CGNL1: variants seen among roughly 807,000 people sequenced by gnomAD.
CGNL1 encodes the protein cingulin-like protein 1.
Under a neutral mutation model 141.2 loss-of-function variants are expected in CGNL1, and 132 were observed. That is an observed-to-expected ratio of 0.93 (90% confidence interval 0.81 to 1.08). The LOEUF is 1.08. Ranked by LOEUF, CGNL1 falls within the 50% of genes least tolerant of loss-of-function variation. CGNL1 has a pLI of 0.00. For synonymous variants in CGNL1, 690 were observed against 622.1 expected (o/e 1.11, Z -1.63); for missense variants, 1,870 against 1,588.6 (o/e 1.18, Z -3.01).
intron 1 of CGNL1, among the ~76,000 whole-genome samples, chr15:57,413,387 C>T (rs535237149): frequency 7.8e-4 from 118 of 152,224 alleles, no homozygotes; most frequent in African/African-American, 2.8e-3. Context: ...AGCCATCCTC[C>T]GAGCTCAGCC....
chr15:57,382,871 A>G lies in CGNL1; in HGVS notation c.-16+6304A>G, dbSNP rs181713593. Reference sequence around the variant, plus strand: ...TCCAACTAGGACTGTTAAACTTTCAACAATGGGGCTCTTTTGACTTGATTA... The same window carrying G: ...TCCAACTAGGACTGTTAAACTTTCAGCAATGGGGCTCTTTTGACTTGATTA... On this transcript the variant is annotated intron_variant, in intron 1 of 18. Coordinates refer to ENST00000281282, the MANE Select transcript of CGNL1 (RefSeq NM_032866.5). Among the ~76,000 whole-genome samples the G allele has an allele frequency of 3.0e-3, 458 of 152,306 alleles. 3 individuals are homozygous for G. The highest frequency in any genetic ancestry group is 3.5e-3 in the Non-Finnish European group (240 of 68,036).
At chr15:57,408,531 A>G (rs1467811107) in intron 1 of CGNL1, among the ~76,000 whole-genome samples, 1 of 152,046 alleles carries the variant, frequency 6.6e-6, no homozygotes, top group Non-Finnish European at 1.5e-5. Flanking sequence ...GGGATAATAT[A>G]ATTTAATTTT....
Position 57,516,178 on chromosome 15 carries a change from A to G in CGNL1, c.2404-602A>G, listed in dbSNP as rs867690166. 7.2e-3 allele frequency among the ~76,000 whole-genome samples: 1,073 copies of G among 148,546 alleles called. 10 individuals are homozygous for G. Among genetic ancestry groups the G allele is most frequent in the African/African-American group, 0.021 (847 of 40,256 alleles). On this transcript the variant is annotated intron_variant, in intron 8 of 18. Coordinates refer to ENST00000281282, the MANE Select transcript of CGNL1 (RefSeq NM_032866.5). ...TGTCTCAAAAAAAAAAAAAAAAAAA[A>G]AAAGAAAGAAAAAGAGACCCTGCCC... is the stretch of plus-strand genomic sequence containing the variant.
chr15:57,503,574 G>C (rs2064057855), intron 8 of CGNL1, among the ~76,000 whole-genome samples: 1 of 152,186 alleles, frequency 6.6e-6, no homozygotes, highest in South Asian at 2.1e-4. Flanking sequence ...CTCAGGGCAG[G>C]CTGGCTAAAG....
At chr15:57,485,019 C>T (rs1256341109) in intron 8 of CGNL1, among the ~76,000 whole-genome samples, 1 of 149,244 alleles carries the variant, frequency 6.7e-6, no homozygotes, top group African/African-American at 2.5e-5. Flanking sequence ...TTATATTGCT[C>T]TTCCTTTTCC....
intron 1 of CGNL1, among the ~76,000 whole-genome samples, chr15:57,420,686 A>G (rs144822133): frequency 5.4e-4 from 82 of 152,288 alleles, no homozygotes; most frequent in African/African-American, 1.9e-3. Flanking sequence ...TTAGTTCAGC[A>G]TGTTTTTCTA....
At chr15:57,446,171 G>T (rs1180087889) in intron 4 of CGNL1, among the ~76,000 whole-genome samples, 1 of 152,300 alleles carries the variant, frequency 6.6e-6, no homozygotes, top group East Asian at 1.9e-4. Context: ...TTAGCAAACA[G>T]ATAAGTCTTC....
chr15:57,415,397 A>G (rs1386630252), intron 1 of CGNL1, among the ~76,000 whole-genome samples: 1 of 152,164 alleles, frequency 6.6e-6, no homozygotes, highest in Non-Finnish European at 1.5e-5. Flanking sequence ...GTGACAATGG[A>G]AGCAAAGCCA....
Position 57,522,653 on chromosome 15 carries a change from A to G in CGNL1, c.2716-836A>G, listed in dbSNP as rs868394968. 3.3e-5 allele frequency among the ~76,000 whole-genome samples: 5 copies of G among 152,352 alleles called. No individual in the cohort carries two copies. In the South Asian group the frequency reaches 1.0e-3, roughly 32 times the overall value. On this transcript the variant is annotated intron_variant, in intron 10 of 18. Coordinates refer to ENST00000281282, the MANE Select transcript of CGNL1 (RefSeq NM_032866.5). ...TGCTTAGCCATTTAAAGAAGCCACCATAACTTTCCTATAATATTTTAGGAT... is the reference window on the plus strand; with the variant it reads ...TGCTTAGCCATTTAAAGAAGCCACCGTAACTTTCCTATAATATTTTAGGAT...
Position 57,528,730 on chromosome 15 carries a change from A to T in CGNL1, c.3116A>T (p.Glu1039Val). The T allele has an allele frequency of 2.5e-6, 4 of 1,614,130 alleles. No individual in the cohort carries two copies. Among genetic ancestry groups the T allele is most frequent in the Non-Finnish European group, 3.4e-6 (4 of 1,179,972 alleles). The change falls in exon 13 of 19, where the codon GAG (glutamate) becomes GTG (valine). Residue 1039 changes from glutamate to valine, a missense_variant. Transcript: ENST00000281282. Reference protein sequence around the residue: ...DEALTKRQLLEQTLKDLEYEL... With the variant: ...DEALTKRQLLVQTLKDLEYEL... The stretch of plus-strand genomic sequence containing the variant: ...GCACTCACAAAAAGGCAGCTTCTGG[A>T]GCAGACGCTGAAGGACCTGGAGTAT...
chr15:57,494,806 G>A (rs1595763635), intron 8 of CGNL1, among the ~76,000 whole-genome samples: 1 of 152,172 alleles, frequency 6.6e-6, no homozygotes, highest in East Asian at 1.9e-4. Context: ...GGTGTTCCCT[G>A]GAAACTCGAG....
chr15:57,502,392 G>C (rs1489646420), intron 8 of CGNL1, among the ~76,000 whole-genome samples: 1 of 152,142 alleles, frequency 6.6e-6, no homozygotes, highest in Non-Finnish European at 1.5e-5. Flanking sequence ...GAGGCTGAAT[G>C]GCTGCTTATC....
intron 8 of CGNL1, among the ~76,000 whole-genome samples, chr15:57,502,367 C>A (rs1473938167): frequency 6.6e-6 from 1 of 152,078 alleles, no homozygotes; most frequent in Non-Finnish European, 1.5e-5. Flanking sequence ...CAGTGTGTTT[C>A]CAGCTCCCGG....
At chr15:57,521,950 CAT>C (rs1474682915) in intron 10 of CGNL1, among the ~76,000 whole-genome samples, 4 of 152,086 alleles carry the variant, frequency 2.6e-5, no homozygotes, top group Non-Finnish European at 5.9e-5. Flanking sequence ...TTTTTTGGGA[CAT>C]GTGTTTTGAG....
chr15:57,417,180 G>A (rs1272488487), intron 1 of CGNL1, among the ~76,000 whole-genome samples: 1 of 152,166 alleles, frequency 6.6e-6, no homozygotes, highest in Non-Finnish European at 1.5e-5. Flanking sequence ...TACGTATCTA[G>A]TTTGTTTAAT....
intron 1 of CGNL1, among the ~76,000 whole-genome samples, chr15:57,399,940 G>A (rs931941618): frequency 1.3e-5 from 2 of 151,486 alleles, no homozygotes; most frequent in African/African-American, 4.9e-5. Context: ...GGCTCTAGGT[G>A]TGTAAGTCTC....
chr15:57,453,011 T>G (rs1176714566), intron 6 of CGNL1, among the ~76,000 whole-genome samples: 1 of 152,080 alleles, frequency 6.6e-6, no homozygotes, highest in African/African-American at 2.4e-5. Context: ...AAGAGTTTAG[T>G]AAGAAAAAAA....
intron 8 of CGNL1, among the ~76,000 whole-genome samples, chr15:57,511,235 AC>A (rs1340056248): frequency 9.9e-5 from 15 of 152,140 alleles, no homozygotes; most frequent in Non-Finnish European, 1.9e-4. Flanking sequence ...CCAACTAAAA[AC>A]ATCTTTATCC....
intron 3 of CGNL1, among the ~76,000 whole-genome samples, chr15:57,441,644 C>A (rs2063188611): frequency 6.6e-6 from 1 of 152,174 alleles, no homozygotes; most frequent in Admixed American, 6.5e-5. Context: ...GCTGAGATGA[C>A]AGACGTGAGC....
Sources: gnomAD v4.1 joint callset for allele counts (sites outside exome capture counted in the v4.1 genomes callset) on GRCh38, gnomAD v4.1.1 for gene constraint, MANE v1.5 for transcripts, NCBI Gene and HGNC (gene_info 2026-07-23, HGNC 2026-07-21) for gene names.